Variants in MEGF11 observed in about 807,000 individuals in gnomAD.
MEGF11 encodes the protein multiple EGF like domains 11.
MEGF11 carries 126 observed loss-of-function variants against 146.6 expected under a neutral mutation model. The observed-to-expected ratio is 0.86, with a 90% confidence interval of 0.74 to 1.00. The LOEUF is 1.00. MEGF11 is among the 50% of genes least tolerant of loss of function. The pLI, the probability that MEGF11 is intolerant of heterozygous loss-of-function variation, is 0.00. For synonymous variants in MEGF11, 532 were observed against 583.4 expected (o/e 0.91, Z 1.27); for missense variants, 1,509 against 1,521.2 (o/e 0.99, Z 0.13).
At chr15:66,178,790 GA>G (rs926837517) in intron 1 of MEGF11, among the ~76,000 whole-genome samples, 4 of 152,146 alleles carry the variant, frequency 2.6e-5, no homozygotes, top group Non-Finnish European at 2.9e-5. Flanking sequence ...AAAAGAGAGA[GA>G]AGGAGAGTGG....
intron 4 of MEGF11, among the ~76,000 whole-genome samples, chr15:66,116,582 C>T (rs146065792): frequency 3.1e-4 from 47 of 152,306 alleles, no homozygotes; most frequent in African/African-American, 8.2e-4. Flanking sequence ...CATGTGGTAA[C>T]GTTACCATGC....
intron 7 of MEGF11, among the ~76,000 whole-genome samples, chr15:65,980,394 G>GTTTTT (rs756750548): frequency 2.1e-5 from 2 of 93,728 alleles, no homozygotes; most frequent in African/African-American, 8.4e-5. Context: ...GAAGAATTCA[G>GTTTTT]CTTTTTTTTT....
intron 5 of MEGF11, among the ~76,000 whole-genome samples, chr15:66,072,579 GATTT>G: frequency 6.6e-6 from 1 of 152,286 alleles, no homozygotes; most frequent in Non-Finnish European, 1.5e-5. Context: ...CTCTGATACA[GATTT>G]ATTAAATAAG....
At chr15:65,961,113 C>CT (rs2080843253) in intron 9 of MEGF11, among the ~76,000 whole-genome samples, 2 of 152,188 alleles carry the variant, frequency 1.3e-5, no homozygotes, top group Admixed American at 6.5e-5. Flanking sequence ...GATTGCCATG[C>CT]TTGGAACCTT....
chr15:65,951,377 G>C (rs1392876801), intron 10 of MEGF11, among the ~76,000 whole-genome samples: 1 of 152,190 alleles, frequency 6.6e-6, no homozygotes, highest in African/African-American at 2.4e-5. Flanking sequence ...GTTACCTGAG[G>C]TCAACTGTGG....
chr15:66,060,143 G>T (rs188944059), intron 5 of MEGF11, among the ~76,000 whole-genome samples: 1 of 152,050 alleles, frequency 6.6e-6, no homozygotes, highest in East Asian at 1.9e-4. Context: ...CCCGGGACCG[G>T]AGATACTGTG....
chr15:66,117,023 G>A (rs1187780301), intron 4 of MEGF11, among the ~76,000 whole-genome samples: 1 of 152,184 alleles, frequency 6.6e-6, no homozygotes, highest in African/African-American at 2.4e-5. Flanking sequence ...GAAGCTCTAT[G>A]ACTCAGTTTC....
At chr15:65,905,888 A>G (rs1170600807) in intron 24 of MEGF11, 197 bp downstream of exon 24, 13 of 446,500 alleles carry the variant, frequency 2.9e-5, no homozygotes, top group Non-Finnish European at 4.7e-5. Context: ...AAATCGAAAG[A>G]TGAATTCATT....
intron 5 of MEGF11, among the ~76,000 whole-genome samples, chr15:66,005,615 C>A (rs2082498001): frequency 2.0e-5 from 3 of 152,120 alleles, no homozygotes; most frequent in Admixed American, 1.3e-4. Flanking sequence ...TGTGGGTAAA[C>A]AAAAACCTTT....
At chr15:65,955,764 ATATAT>A (rs2080579167) in intron 10 of MEGF11, among the ~76,000 whole-genome samples, 1 of 8,680 alleles carries the variant, frequency 1.2e-4, no homozygotes, top group African/African-American at 2.4e-4. Flanking sequence ...AAAAAAAAAT[ATATAT>A]ATATATATAT....
intron 1 of MEGF11, among the ~76,000 whole-genome samples, chr15:66,155,746 C>T (rs1233016924): frequency 6.6e-6 from 1 of 152,240 alleles, no homozygotes; most frequent in African/African-American, 2.4e-5. Context: ...TCACCTCCCT[C>T]ATCCCAACCC....
chr15:66,120,374 C>T (rs935184197), intron 3 of MEGF11, among the ~76,000 whole-genome samples: 6 of 152,182 alleles, frequency 3.9e-5, no homozygotes, highest in Non-Finnish European at 5.9e-5. Flanking sequence ...TGGACCCAAC[C>T]CCAAGTCCTT....
At chr15:66,169,226 G>A (rs574674796) in intron 1 of MEGF11, among the ~76,000 whole-genome samples, 4 of 152,318 alleles carry the variant, frequency 2.6e-5, no homozygotes, top group East Asian at 1.9e-4. Context: ...ATACACATTC[G>A]CTGAAGGATT....
chr15:66,111,568 A>AC (rs1215301482), intron 4 of MEGF11, among the ~76,000 whole-genome samples: 5 of 152,060 alleles, frequency 3.3e-5, no homozygotes. Flanking sequence ...ACCACCCCCC[A>AC]CCCCCAGCGC....
chr15:66,066,464 T>A (rs1161998935), intron 5 of MEGF11, among the ~76,000 whole-genome samples: 1 of 152,230 alleles, frequency 6.6e-6, no homozygotes, highest in African/African-American at 2.4e-5. Context: ...ATGATAATTT[T>A]AAAAACAACA....
intron 8 of MEGF11, among the ~76,000 whole-genome samples, chr15:65,969,873 G>A (rs1429450958): frequency 6.6e-6 from 1 of 152,028 alleles, no homozygotes; most frequent in Non-Finnish European, 1.5e-5. Context: ...GACTTGGCCT[G>A]GGTTCTGTGG....
chr15:66,224,541 G>A (rs957661141), intron 1 of MEGF11, among the ~76,000 whole-genome samples: 4 of 150,620 alleles, frequency 2.7e-5, no homozygotes, highest in African/African-American at 4.9e-5. Context: ...CCAAGATGGC[G>A]CCACTGTACT....
intron 1 of MEGF11, among the ~76,000 whole-genome samples, chr15:66,145,932 C>T (rs1259238675): frequency 6.6e-6 from 1 of 152,176 alleles, no homozygotes; most frequent in East Asian, 1.9e-4. Flanking sequence ...ATTGTAAAAA[C>T]TCACCAAAGG....
At chr15:66,212,887 AG>A (rs1462870473) in intron 1 of MEGF11, among the ~76,000 whole-genome samples, 1 of 152,246 alleles carries the variant, frequency 6.6e-6, no homozygotes, top group Non-Finnish European at 1.5e-5. Context: ...AGGTATCCAA[AG>A]GGAGAAACAG....
Sources: allele counts gnomAD v4.1 joint callset (sites outside exome capture counted in the v4.1 genomes callset), GRCh38; gene constraint gnomAD v4.1.1; transcripts MANE v1.5; gene names NCBI Gene and HGNC (gene_info 2026-07-23, HGNC 2026-07-21).